HEPHL1: variants seen among roughly 807,000 people sequenced by gnomAD.
The protein encoded by HEPHL1 is ferroxidase HEPHL1.
Under a neutral mutation model 122.0 loss-of-function variants are expected in HEPHL1, and 123 were observed. The ratio of observed to expected loss-of-function variants is 1.01; its 90% confidence interval spans 0.87 to 1.17. The LOEUF is 1.17. Among genes scored for constraint, HEPHL1 ranks in the 50% most tolerant of loss-of-function variants. HEPHL1 has a pLI of 0.00. For missense variants in HEPHL1, 1,452 were observed against 1,430.5 expected (o/e 1.01, Z -0.24); for synonymous variants, 527 against 508.9 (o/e 1.04, Z -0.48).
chr11:94,022,073 C>G (rs144233264), intron 1 of HEPHL1, among the ~76,000 whole-genome samples: 201 of 152,298 alleles, frequency 1.3e-3, no homozygotes, highest in Non-Finnish European at 2.7e-3. Flanking sequence ...AGCGCTTTCA[C>G]TGGTAAAAAG....
intron 13 of HEPHL1, among the ~76,000 whole-genome samples, chr11:94,093,969 C>CAGATAGATAGATAGAT (rs1382570113): frequency 3.9e-4 from 20 of 50,736 alleles, no homozygotes; most frequent in African/African-American, 1.1e-3. Context: ...AATCCTCCAG[C>CAGATAGATAGATAGAT]AGATATATAT....
chr11:94,037,354 G>T (rs895942900), intron 1 of HEPHL1, among the ~76,000 whole-genome samples: 1 of 151,774 alleles, frequency 6.6e-6, no homozygotes, highest in Non-Finnish European at 1.5e-5. Context: ...GCTTGAACTG[G>T]GTGGAGCCCA....
intron 2 of HEPHL1, among the ~76,000 whole-genome samples, chr11:94,050,357 C>A (rs1012462416): frequency 1.3e-5 from 2 of 152,058 alleles, no homozygotes; most frequent in African/African-American, 4.8e-5. Context: ...CAGCTATAAC[C>A]TTTAGGAAAA....
intron 1 of HEPHL1, among the ~76,000 whole-genome samples, chr11:94,037,173 C>A (rs1345933514): frequency 6.6e-6 from 1 of 152,210 alleles, no homozygotes; most frequent in African/African-American, 2.4e-5. Context: ...GCTTAAAAAA[C>A]GGCGCACCAC....
chr11:94,096,183 A>C (rs183155030), intron 13 of HEPHL1, among the ~76,000 whole-genome samples: 21 of 152,282 alleles, frequency 1.4e-4, no homozygotes, highest in Non-Finnish European at 1.9e-4. Flanking sequence ...TATTATTTTG[A>C]GATACATCCC....
At chr11:94,087,703 G>A (rs888295578) in intron 11 of HEPHL1, among the ~76,000 whole-genome samples, 3 of 151,772 alleles carry the variant, frequency 2.0e-5, no homozygotes, top group Non-Finnish European at 4.4e-5. Context: ...CAAATGTAGG[G>A]GACAGTCTTT....
chr11:94,102,497 G>A (rs1344746300), intron 14 of HEPHL1, among the ~76,000 whole-genome samples: 4 of 152,198 alleles, frequency 2.6e-5, no homozygotes, highest in Non-Finnish European at 5.9e-5. Context: ...ACTGTCTGGG[G>A]TGAGGCCTGA....
chr11:94,063,087 G>A (rs1357196510), intron 2 of HEPHL1, among the ~76,000 whole-genome samples: 1 of 152,160 alleles, frequency 6.6e-6, no homozygotes, highest in Non-Finnish European at 1.5e-5. Flanking sequence ...GACCTACACA[G>A]GTGGTGAATC....
At chr11:94,077,393 AT>A (rs1224315666) in intron 9 of HEPHL1, among the ~76,000 whole-genome samples, 1 of 151,698 alleles carries the variant, frequency 6.6e-6, no homozygotes, top group Non-Finnish European at 1.5e-5. Context: ...TTTATTTTTA[AT>A]TTTTGTGGGT....
intron 1 of HEPHL1, among the ~76,000 whole-genome samples, chr11:94,040,985 G>A (rs1269472500): frequency 2.5e-5 from 3 of 117,710 alleles, no homozygotes; most frequent in Admixed American, 8.5e-5. Flanking sequence ...CATCGTCTCA[G>A]CCCAAAATCT....
intron 13 of HEPHL1, among the ~76,000 whole-genome samples, chr11:94,095,485 T>C (rs1486783267): frequency 6.6e-6 from 1 of 152,214 alleles, no homozygotes; most frequent in Non-Finnish European, 1.5e-5. Flanking sequence ...TGGGCTCTTT[T>C]TTGGTTCCAT....
chr11:94,097,305 G>A (rs756412440), intron 13 of HEPHL1, among the ~76,000 whole-genome samples: 37 of 152,152 alleles, frequency 2.4e-4, no homozygotes, highest in Non-Finnish European at 4.9e-4. Flanking sequence ...AGGTTGTTCA[G>A]TTTCCATGCA....
intron 1 of HEPHL1, among the ~76,000 whole-genome samples, chr11:94,043,013 A>G (rs1945800575): frequency 1.3e-5 from 2 of 152,018 alleles, no homozygotes; most frequent in Admixed American, 6.6e-5. Context: ...GAAAAGAAAA[A>G]CAGAAAAAAT....
intron 1 of HEPHL1, among the ~76,000 whole-genome samples, chr11:94,031,591 TCTCTTGATCACATTGTTTGGATTG>T (rs1945676160): frequency 6.6e-6 from 1 of 152,220 alleles, no homozygotes. Flanking sequence ...ACAGGATTCC[TCTCTTGATCACATTGTTTGGATTG>T]GAAGCTGAAC....
intron 11 of HEPHL1, among the ~76,000 whole-genome samples, chr11:94,088,241 C>T (rs1946233768): frequency 6.6e-6 from 1 of 152,150 alleles, no homozygotes; most frequent in Non-Finnish European, 1.5e-5. Flanking sequence ...CTTCTTTGCT[C>T]AAGGGCTTAA....
At chr11:94,053,576 G>C (rs1455533161) in intron 2 of HEPHL1, among the ~76,000 whole-genome samples, 4 of 151,750 alleles carry the variant, frequency 2.6e-5, no homozygotes, top group South Asian at 2.1e-4. Flanking sequence ...TTTAACTTCT[G>C]AGATAGATGA....
At chr11:94,093,682 T>G (rs753454641) in intron 13 of HEPHL1, 42 bp downstream of exon 13, 10 of 1,597,686 alleles carry the variant, frequency 6.3e-6, no homozygotes, top group Non-Finnish European at 8.5e-6. Context: ...GCCCCAAGCA[T>G]GTGCATGCAC....
intron 2 of HEPHL1, among the ~76,000 whole-genome samples, chr11:94,049,160 C>T (rs1304012491): frequency 1.3e-5 from 2 of 151,608 alleles, no homozygotes; most frequent in Admixed American, 1.3e-4. Context: ...CAAAAACAAA[C>T]CACACTTAAT....
chr11:94,098,657 A>G (rs1389958037), intron 13 of HEPHL1, among the ~76,000 whole-genome samples: 3 of 152,152 alleles, frequency 2.0e-5, no homozygotes, highest in African/African-American at 7.2e-5. Context: ...CACCAGTCAG[A>G]CGCAGATTTG....
Sources: allele counts gnomAD v4.1 joint callset (sites outside exome capture counted in the v4.1 genomes callset), GRCh38; gene constraint gnomAD v4.1.1; transcripts MANE v1.5; gene names NCBI Gene and HGNC (gene_info 2026-07-23, HGNC 2026-07-21).